The following KCNH5 variants were observed in gnomAD, a reference collection of about 807,000 sequenced individuals.
KCNH5 encodes potassium voltage-gated channel subfamily H member 5.
In KCNH5, 46 loss-of-function variants were observed where a neutral mutation model predicts 96.1. The ratio of observed to expected loss-of-function variants is 0.48; its 90% CI spans 0.38 to 0.61. The LOEUF (loss-of-function observed/expected upper bound fraction) is 0.61, where lower values mean the gene tolerates loss of function less well. Ranked by LOEUF, KCNH5 falls within the 20% of genes least tolerant of loss-of-function variation. The probability of loss-of-function intolerance (pLI) is 0.00; values close to 1 mark genes in which losing one functional copy is unlikely to be tolerated. For synonymous variants in KCNH5, 439 were observed against 449.8 expected (o/e 0.98, Z 0.30); for missense variants, 907 against 1,225.8 (o/e 0.74, Z 3.88).
intron 1 of KCNH5, among the ~76,000 whole-genome samples, chr14:63,040,356 AATGTGC>A (rs1891799791): frequency 6.6e-6 from 1 of 152,122 alleles, no homozygotes; most frequent in African/African-American, 2.4e-5. Context: ...CTCTATCAGC[AATGTGC>A]TGCATTCATT....
intron 10 of KCNH5, among the ~76,000 whole-genome samples, chr14:62,741,591 C>T (rs1303535437): frequency 6.6e-6 from 1 of 152,008 alleles, no homozygotes; most frequent in Non-Finnish European, 1.5e-5. Context: ...AGAATCAACC[C>T]TTATGAGTGA....
chr14:62,972,345 ACC>A (rs1401362059), intron 6 of KCNH5, among the ~76,000 whole-genome samples: 1 of 152,212 alleles, frequency 6.6e-6, no homozygotes, highest in Non-Finnish European at 1.5e-5. Context: ...AAATACTAAC[ACC>A]GCCAAGTGTT....
chr14:62,834,944 C>T (rs1479480911), intron 8 of KCNH5, among the ~76,000 whole-genome samples: 7 of 151,830 alleles, frequency 4.6e-5, no homozygotes, highest in Non-Finnish European at 8.8e-5. Flanking sequence ...GTTTACTATC[C>T]GGCCCTTTAG....
intron 4 of KCNH5, among the ~76,000 whole-genome samples, chr14:62,988,703 A>G (rs950312185): frequency 5.3e-5 from 8 of 152,130 alleles, no homozygotes; most frequent in Non-Finnish European, 1.2e-4. Flanking sequence ...GAAACAAAAA[A>G]AAAGGGTATT....
At chr14:62,911,863 C>T (rs574945873) in intron 7 of KCNH5, among the ~76,000 whole-genome samples, 16 of 151,320 alleles carry the variant, frequency 1.1e-4, no homozygotes, top group Middle Eastern at 6.8e-3. Context: ...AGTAACACCC[C>T]GTCTCTACTA....
chr14:62,786,446 TAAAG>T (rs1886322309), intron 9 of KCNH5, among the ~76,000 whole-genome samples: 1 of 152,080 alleles, frequency 6.6e-6, no homozygotes, highest in African/African-American at 2.4e-5. Flanking sequence ...ATGGAACACA[TAAAG>T]ATAGTAAAAT....
At chr14:62,826,663 A>T (rs1887234172) in intron 8 of KCNH5, among the ~76,000 whole-genome samples, 1 of 152,018 alleles carries the variant, frequency 6.6e-6, no homozygotes, top group Admixed American at 6.6e-5. Flanking sequence ...CTTTTGTATT[A>T]AAACTTACCT....
chr14:62,779,095 A>G (rs1202568604), intron 10 of KCNH5, among the ~76,000 whole-genome samples: 1 of 152,204 alleles, frequency 6.6e-6, no homozygotes, highest in African/African-American at 2.4e-5. Flanking sequence ...GCCTTACCCA[A>G]TGCCCAATGA....
chr14:62,945,396 A>G (rs1206615387), intron 7 of KCNH5, among the ~76,000 whole-genome samples: 16 of 152,192 alleles, frequency 1.1e-4, no homozygotes, highest in Admixed American at 1.0e-3. Context: ...CACGTACTTG[A>G]TCGTAGATCT....
intron 8 of KCNH5, among the ~76,000 whole-genome samples, chr14:62,813,046 T>G (rs1275163557): frequency 6.6e-6 from 1 of 152,152 alleles, no homozygotes; most frequent in East Asian, 1.9e-4. Context: ...ACCTTGTACC[T>G]ATATCAGATT....
intron 7 of KCNH5, among the ~76,000 whole-genome samples, chr14:62,936,046 CAGAA>C (rs1427856405): frequency 1.3e-5 from 2 of 151,962 alleles, no homozygotes; most frequent in East Asian, 3.9e-4. Context: ...AGGGGAGAGC[CAGAA>C]AGAGAGAAAT....
At chr14:62,722,458 C>T (rs1342880316) in intron 10 of KCNH5, among the ~76,000 whole-genome samples, 2 of 152,068 alleles carry the variant, frequency 1.3e-5, no homozygotes, top group African/African-American at 4.8e-5. Flanking sequence ...TGAAGAGTGA[C>T]AAAGCAGGGT....
At chr14:63,038,832 T>C (rs1426740718) in intron 1 of KCNH5, among the ~76,000 whole-genome samples, 2 of 152,082 alleles carry the variant, frequency 1.3e-5, no homozygotes, top group Admixed American at 6.6e-5. Flanking sequence ...ATGATTCTTT[T>C]TAATTATCTT....
At chr14:63,022,163 A>G (rs1465956325) in intron 1 of KCNH5, among the ~76,000 whole-genome samples, 1 of 152,200 alleles carries the variant, frequency 6.6e-6, no homozygotes, top group Non-Finnish European at 1.5e-5. Flanking sequence ...TTCCTGTCTT[A>G]GAGAATGGGG....
In KCNH5 at chr14:62,952,260, A is replaced by G. The variant is rs377114521; in HGVS notation, c.943-1701T>C. 3.8e-4 allele frequency among the ~76,000 whole-genome samples: 58 copies of G among 152,294 alleles called. 4 individuals carry two copies. In the South Asian group the frequency reaches 7.7e-3, roughly 20 times the overall value. Reference sequence around the variant, plus strand: ...CCCATTTCACTTTAACACTTGGGGGAAAAAGATGCTAAACTTTAGTCAGTT... The same window carrying G: ...CCCATTTCACTTTAACACTTGGGGGGAAAAGATGCTAAACTTTAGTCAGTT... On this transcript the variant is annotated intron_variant, in intron 6 of 10. Coordinates refer to ENST00000322893, the MANE Select transcript of KCNH5 (RefSeq NM_139318.5).
At chr14:62,889,889 G>A (rs948974438) in intron 7 of KCNH5, among the ~76,000 whole-genome samples, 1 of 152,134 alleles carries the variant, frequency 6.6e-6, no homozygotes, top group Non-Finnish European at 1.5e-5. Context: ...AGAAAAATTA[G>A]AAGACGAAGT....
chr14:62,947,198 T>A (rs2140127929), intron 7 of KCNH5, among the ~76,000 whole-genome samples: 1 of 152,342 alleles, frequency 6.6e-6, no homozygotes, highest in South Asian at 2.1e-4. Context: ...AAAGGTTTTC[T>A]TTTTTAATCT....
chr14:62,847,497 T>C (rs1054896445), intron 8 of KCNH5, among the ~76,000 whole-genome samples: 1 of 152,118 alleles, frequency 6.6e-6, no homozygotes, highest in Non-Finnish European at 1.5e-5. Flanking sequence ...AATACAGGCA[T>C]AGAGTATGTT....
chr14:63,016,679 G>A (rs1891332147), intron 2 of KCNH5, 152 bp downstream of exon 2: 3 of 668,902 alleles, frequency 4.5e-6, no homozygotes. Context: ...TAAGCTATGT[G>A]TTTCCATTGA....
Sources: allele counts gnomAD v4.1 joint callset (sites outside exome capture counted in the v4.1 genomes callset), GRCh38; gene constraint gnomAD v4.1.1; transcripts MANE v1.5; gene names NCBI Gene and HGNC (gene_info 2026-07-23, HGNC 2026-07-21).